The following CMC1 variants were observed in gnomAD, a reference collection of about 807,000 sequenced individuals.
CMC1 encodes the protein COX assembly mitochondrial protein homolog.
A neutral mutation model predicts 14.1 loss-of-function variants in CMC1; 14 were observed. The ratio of observed to expected loss-of-function variants is 0.99; its 90% CI spans 0.66 to 1.55. The LOEUF (loss-of-function observed/expected upper bound fraction) is 1.55, where lower values mean the gene tolerates loss of function less well. CMC1 is among the 40% of genes most tolerant of loss of function. CMC1 has a pLI of 0.00. For missense variants in CMC1, 127 were observed against 123.8 expected (o/e 1.03, Z -0.12); for synonymous variants, 50 against 38.4 (o/e 1.30, Z -1.12).
intron 1 of CMC1, among the ~76,000 whole-genome samples, chr3:28,260,944 G>C (rs1045322362): frequency 6.6e-6 from 1 of 152,082 alleles, no homozygotes; most frequent in African/African-American, 2.4e-5. Context: ...TTGGTGTCAG[G>C]GAACATAGTT....
chr3:28,309,862 A>ACACACACACAC, intron 2 of CMC1, among the ~76,000 whole-genome samples: 1 of 41,626 alleles, frequency 2.4e-5, no homozygotes, highest in South Asian at 5.8e-4. Flanking sequence ...CACACACACA[A>ACACACACACAC]GCTAATTGCA....
chr3:28,288,736 A>T (rs1701324063), intron 2 of CMC1, among the ~76,000 whole-genome samples: 1 of 151,938 alleles, frequency 6.6e-6, no homozygotes, highest in African/African-American at 2.4e-5. Context: ...GATTATGATG[A>T]ATACATTTGT....
chr3:28,249,420 CA>C (rs1200066939), intron 1 of CMC1, among the ~76,000 whole-genome samples: 1 of 152,170 alleles, frequency 6.6e-6, no homozygotes, highest in Non-Finnish European at 1.5e-5. Flanking sequence ...ATTTGTTAAA[CA>C]GTTAAAACAA....
rs1703279736 is a variant in CMC1 at position 28,323,961 on chromosome 3, T to C, written c.*4332T>C. 4.8e-6 allele frequency: 7 copies of C among 1,448,278 alleles called. No individual in the cohort carries two copies. In the South Asian group the frequency reaches 9.5e-5, roughly 20 times the overall value. 89.7% of individuals were successfully genotyped at this position (1,448,278 alleles called of 1,614,324 possible). ...TGCAAAATTTTAATCAAAATCTCCT[T>C]TCAGTTTGTTAAATAATTTCTTGGG... On this transcript the variant is annotated 3_prime_UTR_variant, in exon 4 of 4. Coordinates refer to ENST00000466830, the MANE Select transcript of CMC1 (RefSeq NM_182523.2).
intron 2 of CMC1, among the ~76,000 whole-genome samples, chr3:28,313,664 C>G (rs963806957): frequency 6.6e-6 from 1 of 152,142 alleles, no homozygotes; most frequent in African/African-American, 2.4e-5. Context: ...ATATTTACTC[C>G]TGAAGATATT....
At chr3:28,300,294 T>C (rs1403777501) in intron 2 of CMC1, among the ~76,000 whole-genome samples, 4 of 152,176 alleles carry the variant, frequency 2.6e-5, no homozygotes, top group Admixed American at 6.5e-5. Context: ...TTCGAATCTA[T>C]GTAGCTGTAT....
chr3:28,302,144 A>G (rs916324708), intron 2 of CMC1, among the ~76,000 whole-genome samples: 7 of 152,130 alleles, frequency 4.6e-5, no homozygotes, highest in African/African-American at 1.7e-4. Context: ...GCTCATACTT[A>G]TTGCCAGAAT....
At chr3:28,290,963 C>T (rs1187573734) in intron 2 of CMC1, among the ~76,000 whole-genome samples, 1 of 151,964 alleles carries the variant, frequency 6.6e-6, no homozygotes, top group Admixed American at 6.6e-5. Flanking sequence ...CATCTGAAAC[C>T]TTGACTGGGG....
chr3:28,254,337 A>G (rs1202048266), intron 1 of CMC1, among the ~76,000 whole-genome samples: 1 of 152,180 alleles, frequency 6.6e-6, no homozygotes, highest in Admixed American at 6.5e-5. Context: ...TAATTAATAA[A>G]TCATTGATAT....
At chr3:28,309,808 C>A (rs570304070) in intron 2 of CMC1, among the ~76,000 whole-genome samples, 2 of 145,884 alleles carry the variant, frequency 1.4e-5, no homozygotes, top group South Asian at 2.2e-4. Flanking sequence ...TTTTCTCCTG[C>A]AGCTGATATT....
At chr3:28,253,423 A>G (rs1458087721) in intron 1 of CMC1, among the ~76,000 whole-genome samples, 1 of 152,118 alleles carries the variant, frequency 6.6e-6, no homozygotes, top group African/African-American at 2.4e-5. Flanking sequence ...TAAAGTACAC[A>G]TAAAAAAATT....
rs987843873 is a variant in CMC1, at chr3:28,254,256, T to C, written c.20-9035T>C. On this transcript the variant is annotated intron_variant, in intron 1 of 3. Coordinates refer to ENST00000466830, the MANE Select transcript of CMC1 (RefSeq NM_182523.2). ...CAGATTGAGATTAAGAGAATCACTT[T>C]GTAATATTGTGAATCAAAATTGCCA... Among the ~76,000 whole-genome samples the C allele has an allele frequency of 3.9e-5, 6 of 152,356 alleles. 1 individual carries two copies. In the East Asian group the frequency reaches 1.2e-3, roughly 29 times the overall value.
At chr3:28,291,016 C>G (rs1208863680) in intron 2 of CMC1, among the ~76,000 whole-genome samples, 1 of 152,070 alleles carries the variant, frequency 6.6e-6, no homozygotes. Flanking sequence ...TGGCAGCATT[C>G]AGTCTTCTGT....
intron 2 of CMC1, chr3:28,292,611 A>T (rs984662435): frequency 6.6e-6 from 1 of 152,162 alleles, no homozygotes; most frequent in Non-Finnish European, 1.5e-5. Context: ...ATAAATTTAA[A>T]TATTTTCTAT....
intron 1 of CMC1, among the ~76,000 whole-genome samples, chr3:28,255,690 TGTTA>T (rs925867371): frequency 2.2e-5 from 3 of 135,496 alleles, no homozygotes; most frequent in Non-Finnish European, 4.9e-5. Context: ...TTTGAAACGT[TGTTA>T]AAAAAAATGT....
chr3:28,309,821 C>CCACACACACACACACACACACACACA (rs57499697), intron 2 of CMC1, among the ~76,000 whole-genome samples: 2 of 131,792 alleles, frequency 1.5e-5, no homozygotes, highest in Non-Finnish European at 3.2e-5. Flanking sequence ...CTGATATTTA[C>CCACACACACACACACACACACACACA]CACACACACA....
At position 28,319,875 on chromosome 3, in the gene CMC1, T is replaced by TG. The variant is rs1241499668; in HGVS notation, c.*246_*247insG. On this transcript the variant is annotated 3_prime_UTR_variant, in exon 4 of 4. Transcript: ENST00000466830. ...AAGTTTTCCCACAACTATAGTTCTA[T>TG]AACAGTGATACTGATTTTTTAGAGT... 1 of 290,238 alleles carries TG rather than the reference T, an allele frequency of 3.4e-6. No individual in the cohort carries two copies. The highest frequency in any genetic ancestry group is 4.8e-5 in the Admixed American group (1 of 20,674). The allele number at this position is 290,238 out of a possible 1,614,324, so 18.0% of individuals were successfully genotyped here.
chr3:28,263,856 T>G (rs558242741), intron 2 of CMC1, among the ~76,000 whole-genome samples: 1 of 152,280 alleles, frequency 6.6e-6, no homozygotes, highest in Non-Finnish European at 1.5e-5. Flanking sequence ...GTTTTTGTTT[T>G]GTTTTATGTT....
chr3:28,263,834 A>G (rs1354221370), intron 2 of CMC1, among the ~76,000 whole-genome samples: 1 of 152,148 alleles, frequency 6.6e-6, no homozygotes, highest in East Asian at 1.9e-4. Context: ...TAGGACTTAC[A>G]GTGAGTCTGG....
Sources: allele counts gnomAD v4.1 joint callset (sites outside exome capture counted in the v4.1 genomes callset), GRCh38; gene constraint gnomAD v4.1.1; transcripts MANE v1.5; gene names NCBI Gene and HGNC (gene_info 2026-07-23, HGNC 2026-07-21).